The following AGFG1 variants were observed in gnomAD, a reference collection of about 807,000 sequenced individuals.
AGFG1 encodes arf-GAP domain and FG repeat-containing protein 1.
In AGFG1, 10 loss-of-function variants were observed where a neutral mutation model predicts 60.6. The observed-to-expected ratio is 0.16, with a 90% CI of 0.10 to 0.28. AGFG1 has a LOEUF of 0.28. AGFG1 is among the 10% of genes least tolerant of loss of function. AGFG1 has a pLI of 1.00. For missense variants in AGFG1, 537 were observed against 676.5 expected (o/e 0.79, Z 2.29); for synonymous variants, 247 against 242.9 (o/e 1.02, Z -0.16).
At chr2:227,530,065 G>T (rs1692114118) in intron 5 of AGFG1, among the ~76,000 whole-genome samples, 1 of 152,100 alleles carries the variant, frequency 6.6e-6, no homozygotes, top group African/African-American at 2.4e-5. Flanking sequence ...CCTGTCTCAT[G>T]AATATGTGTT....
At position 227,510,537 on chromosome 2, in the gene AGFG1, G is replaced by T. The variant is rs1406571812; in HGVS notation, c.262-9411G>T. ...ATGATAAACTATGTCTTGGTGGAGGGGTGAGTTGAGAGGGGGCTTAGGAGA... is the reference window on the plus strand; with the variant it reads ...ATGATAAACTATGTCTTGGTGGAGGTGTGAGTTGAGAGGGGGCTTAGGAGA... On this transcript the variant is annotated intron_variant, in intron 2 of 12. Transcript: ENST00000310078. Among the ~76,000 whole-genome samples, 5 of 146,672 alleles carry T rather than the reference G, an allele frequency of 3.4e-5. No homozygotes were observed. The East Asian group carries it at 7.7e-4, about 23-fold the overall frequency.
At chr2:227,535,137 T>G in intron 8 of AGFG1, 112 bp downstream of exon 8, 1 of 1,208,246 alleles carries the variant, frequency 8.3e-7, no homozygotes, top group Non-Finnish European at 1.1e-6. Flanking sequence ...TTCTTGGATA[T>G]TTTTGTAAAT....
At chr2:227,531,703 G>T (rs1692165393) in intron 6 of AGFG1, among the ~76,000 whole-genome samples, 1 of 151,872 alleles carries the variant, frequency 6.6e-6, no homozygotes, top group Admixed American at 6.6e-5. Flanking sequence ...ACAGTGCTGG[G>T]ATTACAGGTG....
intron 3 of AGFG1, among the ~76,000 whole-genome samples, chr2:227,522,491 G>C (rs1023439303): frequency 2.0e-5 from 3 of 152,190 alleles, no homozygotes; most frequent in African/African-American, 7.2e-5. Flanking sequence ...TGAACACTTA[G>C]TTAACACGTA....
At chr2:227,553,682 T>C (rs770920166) in intron 11 of AGFG1, 22 bp from the exon 12 acceptor site, 3 of 1,596,200 alleles carry the variant, frequency 1.9e-6, no homozygotes, top group Non-Finnish European at 2.6e-6. Flanking sequence ...TGGGTTATAA[T>C]TGGTGGTTCT....
Position 227,533,552 on chromosome 2 carries a change from G to T in AGFG1, c.818G>T (p.Gly273Val). 2 of 1,613,282 alleles carry T rather than the reference G, an allele frequency of 1.2e-6. No individual in the cohort carries two copies. Among genetic ancestry groups the T allele is most frequent in the Non-Finnish European group, 1.7e-6 (2 of 1,179,448 alleles). ...HSPFQPQTTG[G>V]SAASVNANFA... ...TGCTCTGTTTATTCTGTTACAGGTG[G>T]AAGTGCTGCATCAGTAAATGCTAAT... is the stretch of plus-strand genomic sequence containing the variant. Residue 273 changes from glycine (G) to valine (V), a missense_variant, in exon 7 of 13, where the codon GGA becomes GTA. By Grantham distance (109) the Gly-to-Val change is moderately radical. Transcript: ENST00000310078.
intron 10 of AGFG1, chr2:227,550,106 G>A: frequency 2.3e-6 from 1 of 439,806 alleles, no homozygotes; most frequent in South Asian, 1.7e-5. Context: ...CGCTCATTTT[G>A]GTAGGTGGCC....
intron 10 of AGFG1, among the ~76,000 whole-genome samples, chr2:227,549,132 T>C (rs1443421128): frequency 6.6e-5 from 10 of 152,142 alleles, no homozygotes; most frequent in Admixed American, 6.5e-4. Flanking sequence ...CACAGCAGCT[T>C]TGTGAAGTAT....
chr2:227,508,505 A>G, intron 2 of AGFG1: 1 of 372,572 alleles, frequency 2.7e-6, no homozygotes, highest in Non-Finnish European at 5.6e-6. Flanking sequence ...AAATGTAAAA[A>G]ATGTAAAGCT....
At chr2:227,495,257 A>C (rs545167946) in intron 2 of AGFG1, among the ~76,000 whole-genome samples, 5 of 152,232 alleles carry the variant, frequency 3.3e-5, no homozygotes, top group East Asian at 1.9e-4. Context: ...TTAAAAAAAA[A>C]CCTGTAGTGA....
intron 2 of AGFG1, among the ~76,000 whole-genome samples, chr2:227,507,894 G>T (rs1054637610): frequency 5.9e-5 from 9 of 151,570 alleles, no homozygotes; most frequent in Admixed American, 5.9e-4. Flanking sequence ...TATTCTTGCT[G>T]ATGCCCAAAT....
intron 2 of AGFG1, among the ~76,000 whole-genome samples, chr2:227,514,372 C>T (rs762047964): frequency 2.6e-5 from 4 of 152,106 alleles, no homozygotes; most frequent in Middle Eastern, 3.4e-3. Flanking sequence ...CCACCATGCC[C>T]GGCTTATTTT....
intron 1 of AGFG1, among the ~76,000 whole-genome samples, chr2:227,486,595 A>G (rs1252529647): frequency 2.6e-5 from 4 of 152,088 alleles, no homozygotes; most frequent in Non-Finnish European, 5.9e-5. Flanking sequence ...TATATATTCT[A>G]TATGGATTTT....
At chr2:227,518,938 T>C (rs1157846976) in intron 2 of AGFG1, among the ~76,000 whole-genome samples, 2 of 152,112 alleles carry the variant, frequency 1.3e-5, no homozygotes, top group Non-Finnish European at 2.9e-5. Flanking sequence ...TTTGGGAGGC[T>C]GAGGCGGGCA....
intron 10 of AGFG1, among the ~76,000 whole-genome samples, chr2:227,546,879 A>G (rs1342760218): frequency 1.3e-5 from 2 of 152,314 alleles, no homozygotes; most frequent in East Asian, 3.9e-4. Context: ...AATGGTTTCA[A>G]AGATTTTTTT....
intron 2 of AGFG1, among the ~76,000 whole-genome samples, chr2:227,513,929 G>T (rs1348284027): frequency 6.6e-6 from 1 of 152,126 alleles, no homozygotes; most frequent in Non-Finnish European, 1.5e-5. Flanking sequence ...GAAGCATTAT[G>T]GGGAATCCAA....
intron 1 of AGFG1, among the ~76,000 whole-genome samples, chr2:227,473,905 G>C (rs1690202739): frequency 6.6e-6 from 1 of 152,194 alleles, no homozygotes; most frequent in Non-Finnish European, 1.5e-5. Flanking sequence ...CCTGGGGTGT[G>C]CCAGTAAATA....
intron 10 of AGFG1, among the ~76,000 whole-genome samples, chr2:227,537,986 A>G (rs919909462): frequency 3.9e-5 from 6 of 152,166 alleles, no homozygotes; most frequent in African/African-American, 1.4e-4. Flanking sequence ...TCTGTTGGTA[A>G]GTAGCATAAT....
At position 227,555,859 on chromosome 2, in the gene AGFG1, T is replaced by C. The variant is rs1023155892; in HGVS notation, c.*1364T>C. The C allele has an allele frequency of 1.3e-5, 2 of 152,178 alleles. No homozygotes were observed. The highest frequency in any genetic ancestry group is 4.8e-5 in the African/African-American group (2 of 41,444). The allele number at this position is 152,178 out of a possible 1,614,324, so 9.4% of individuals were successfully genotyped here. Reference sequence around the variant, plus strand: ...CAACCCATATAAGTCACAAAGTCTGTGTGTTAGAGCTTATGCATTTGTTTT... The same window carrying C: ...CAACCCATATAAGTCACAAAGTCTGCGTGTTAGAGCTTATGCATTTGTTTT... On this transcript the variant is annotated 3_prime_UTR_variant, in exon 13 of 13. Transcript: ENST00000310078.
Sources: allele counts gnomAD v4.1 joint callset (sites outside exome capture counted in the v4.1 genomes callset), GRCh38; gene constraint gnomAD v4.1.1; transcripts MANE v1.5; gene names NCBI Gene and HGNC (gene_info 2026-07-23, HGNC 2026-07-21).